Variants in DNAH8 observed in about 807,000 individuals in gnomAD.
DNAH8 encodes the protein axonemal beta dynein heavy chain 8.
DNAH8 carries 382 observed loss-of-function variants against 562.1 expected under a neutral mutation model. The ratio of observed to expected loss-of-function variants is 0.68; its 90% CI spans 0.63 to 0.74. The LOEUF is 0.74. Ranked by LOEUF, DNAH8 falls within the 30% of genes least tolerant of loss-of-function variation. The probability of loss-of-function intolerance (pLI) is 0.00; values close to 1 mark genes in which losing one functional copy is unlikely to be tolerated. For synonymous variants in DNAH8, 1,881 were observed against 1,919.4 expected, an observed-to-expected ratio of 0.98 and a Z score of 0.52; for missense variants, 5,203 against 5,620.4, an observed-to-expected ratio of 0.93 and a Z score of 2.37.
chr6:38,791,527 T>G, intron 20 of DNAH8, 28 bp from the exon 21 acceptor site: 2 of 1,593,030 alleles, frequency 1.3e-6, no homozygotes, highest in Non-Finnish European at 1.7e-6. Flanking sequence ...AGAAGAGTTT[T>G]TTTTTCTTAC....
intron 33 of DNAH8, among the ~76,000 whole-genome samples, chr6:38,841,057 A>G (rs1774738473): frequency 6.6e-6 from 1 of 152,190 alleles, no homozygotes; most frequent in African/African-American, 2.4e-5. Context: ...GAATTGAAAA[A>G]ATAGGACAAC....
In DNAH8 at chr6:38,921,395, G is replaced by A. The variant is rs748668997; in HGVS notation, c.10551G>A (p.Arg3517=). The change falls in exon 71 of 93, where the codon CGG becomes CGA. Residue 3517 remains arginine, a synonymous_variant. Transcript: ENST00000327475. ...CCAACCTGGCCAAGCAGGAAGGCCG[G>A]TTAGCAGTTGCTAATGCTGAGTTAG... ...LKANLAKQEG[R]LAVANAELGK... 11 of 1,613,618 alleles carry A rather than the reference G, an allele frequency of 6.8e-6. No individual in the cohort carries two copies. Among genetic ancestry groups the A allele is most frequent in the Admixed American group, 5.0e-5 (3 of 59,966 alleles).
At chr6:38,861,262 T>C (rs1776598807) in intron 43 of DNAH8, among the ~76,000 whole-genome samples, 1 of 152,222 alleles carries the variant, frequency 6.6e-6, no homozygotes, top group Admixed American at 6.5e-5. Context: ...CCTTTTGATT[T>C]ATTGAACCTA....
intron 26 of DNAH8, among the ~76,000 whole-genome samples, chr6:38,818,650 T>C (rs1772527279): frequency 6.6e-6 from 1 of 151,996 alleles, no homozygotes; most frequent in African/African-American, 2.4e-5. Context: ...GTGATAGTTA[T>C]GTTCTAAGCA....
At chr6:38,959,561 G>A (rs1762475746) in intron 82 of DNAH8, among the ~76,000 whole-genome samples, 1 of 151,998 alleles carries the variant, frequency 6.6e-6, no homozygotes, top group Non-Finnish European at 1.5e-5. Flanking sequence ...ATTTAATTAA[G>A]GAGGTGAAAA....
At chr6:38,988,425 C>A (rs1455011856) in intron 87 of DNAH8, among the ~76,000 whole-genome samples, 1 of 152,210 alleles carries the variant, frequency 6.6e-6, no homozygotes, top group Non-Finnish European at 1.5e-5. Context: ...TATTTGTTAT[C>A]TGTGTGCTGA....
chr6:38,796,810 C>T lies in DNAH8; in HGVS notation c.2901+5136C>T, dbSNP rs184600814. The stretch of plus-strand genomic sequence containing the variant: ...AGCTCGGTTTTTGGAGACATGAGCC[C>T]GCCGATGCTCCCAGTTGAATAAAGC... On this transcript the variant is annotated intron_variant, in intron 21 of 92. Transcript: ENST00000327475. Among the ~76,000 whole-genome samples, 431 of 152,064 alleles carry T rather than the reference C, an allele frequency of 2.8e-3. 4 individuals are homozygous for T. The highest frequency in any genetic ancestry group is 9.7e-3 in the African/African-American group (403 of 41,482).
intron 42 of DNAH8, among the ~76,000 whole-genome samples, chr6:38,858,984 TA>T (rs1472653430): frequency 6.6e-6 from 1 of 151,956 alleles, no homozygotes; most frequent in African/African-American, 2.4e-5. Flanking sequence ...CCAGAGGGAT[TA>T]AAAAAAATAA....
intron 80 of DNAH8, among the ~76,000 whole-genome samples, chr6:38,948,995 A>C (rs1056282649): frequency 1.3e-5 from 2 of 152,060 alleles, no homozygotes; most frequent in Non-Finnish European, 2.9e-5. Context: ...AGGGTAATCT[A>C]CCCACCCCCA....
chr6:38,772,971 C>CTTTTTTTTTTTT lies in DNAH8; in HGVS notation c.1764+2428_1764+2439dup, dbSNP rs58784448. Among the ~76,000 whole-genome samples the CTTTTTTTTTTTT allele has an allele frequency of 8.4e-3, 741 of 87,994 alleles. 76 individuals carry two copies. Among genetic ancestry groups the CTTTTTTTTTTTT allele is most frequent in the Non-Finnish European group, 9.9e-3 (473 of 47,912 alleles). 57.7% of individuals were successfully genotyped at this position (87,994 alleles called of 152,430 possible). On this transcript the variant is annotated intron_variant, in intron 12 of 92. Transcript: ENST00000327475. ...ATACCACCATGCCTAGCTAATTAAA[C>CTTTTTTTTTTTT]TTTTTTTTTTTTTTTTTTTTTTTTT...
At chr6:38,872,450 A>G (rs966665110) in intron 49 of DNAH8, 86 bp from the exon 50 acceptor site, 3 of 1,433,166 alleles carry the variant, frequency 2.1e-6, no homozygotes, top group Non-Finnish European at 2.9e-6. Context: ...AGAGCTTATT[A>G]AAGCCTTTAA....
At chr6:39,012,917 T>C (rs1766325706) in intron 91 of DNAH8, among the ~76,000 whole-genome samples, 1 of 152,184 alleles carries the variant, frequency 6.6e-6, no homozygotes, top group African/African-American at 2.4e-5. Context: ...TTAGGACACA[T>C]GAAAGAGTAA....
At position 38,863,916 on chromosome 6, in the gene DNAH8, C is replaced by A. The variant is rs1265352467; in HGVS notation, c.6354C>A (p.Asn2118Lys). The change falls in exon 45 of 93, where the codon AAC becomes AAA. Residue 2118 changes from asparagine (N) to lysine (K), a missense_variant. This residue lies in a region of DNAH8 where 2,176 missense variants were observed against 2,365.1 expected (regional missense o/e 0.92). Transcript: ENST00000327475. The stretch of plus-strand genomic sequence containing the variant: ...CCTGGGGCTGTTTTGATGAGTTTAA[C>A]AGAATTGAATTGCCTGTATTATCAG... The part of the protein sequence containing the change: ...SGSWGCFDEF[N>K]RIELPVLSVA... The A allele has an allele frequency of 1.2e-6, 2 of 1,609,592 alleles. No individual in the cohort carries two copies. Among genetic ancestry groups the A allele is most frequent in the South Asian group, 2.2e-5 (2 of 89,298 alleles).
intron 30 of DNAH8, among the ~76,000 whole-genome samples, chr6:38,828,531 A>G (rs1773563900): frequency 6.6e-6 from 1 of 152,188 alleles, no homozygotes; most frequent in Admixed American, 6.5e-5. Flanking sequence ...AGCATTCAGT[A>G]TAGTAACATG....
chr6:38,729,908 G>A lies in DNAH8; in HGVS notation c.532G>A (p.Ala178Thr). The A allele has an allele frequency of 1.3e-6, 2 of 1,549,118 alleles. No individual in the cohort carries two copies. The highest frequency in any genetic ancestry group is 1.4e-5 in the African/African-American group (1 of 73,646). ...ELILDCPSLE[A>T]FTNFFAKDGC... ...TTTCTCTTTTATTTAACAGCTGGAA[G>A]CATTTACTAATTTTTTTGCGAAAGA... Residue 178 changes from alanine (A) to threonine (T), a missense_variant, in exon 4 of 93, where the codon GCA becomes ACA. Physicochemically the swap from Ala to Thr is moderately conservative, Grantham distance 58. This residue lies in a region of DNAH8 where 556 missense variants were observed against 496.9 expected (regional missense o/e 1.12). Coordinates refer to ENST00000327475, the MANE Select transcript of DNAH8 (RefSeq NM_001206927.2).
chr6:38,778,171 T>C lies in DNAH8; in HGVS notation c.1963-217T>C, dbSNP rs1678659. On this transcript the variant is annotated intron_variant, in intron 13 of 92. Transcript: ENST00000327475. The stretch of plus-strand genomic sequence containing the variant: ...AAATCTGGCATGTATTTTACATTTA[T>C]AGACATCTTGCTTCTAAGTAGTGAC... Among the ~76,000 whole-genome samples the C allele has an allele frequency of 0.25, 38,654 of 152,134 alleles. 5,486 individuals carry two copies. Among genetic ancestry groups the C allele is most frequent in the East Asian group, 0.46 (2,369 of 5,178 alleles).
chr6:38,842,512 T>G lies in DNAH8; in HGVS notation c.4604+7T>G. On this transcript the variant is annotated splice_region_variant and intron_variant, in intron 34 of 92. Transcript: ENST00000327475. ...TGCTGGAATTTCAAAACAGGTGAGT[T>G]TCAATGGAATTTTTTATAATGCCTG... 6.2e-7 allele frequency: 1 copy of G among 1,608,564 alleles called. No homozygotes were observed. The highest frequency in any genetic ancestry group is 1.1e-5 in the South Asian group (1 of 89,338).
Position 38,913,990 on chromosome 6 carries a change from T to G in DNAH8, c.9963+38T>G, listed in dbSNP as rs759253775. Reference sequence around the variant, plus strand: ...TTATTTTATCACTGATGAGGAATATTTTTCCATATTAAAATGCATTGTTTT... The same window carrying G: ...TTATTTTATCACTGATGAGGAATATGTTTCCATATTAAAATGCATTGTTTT... On this transcript the variant is annotated intron_variant, in intron 67 of 92. Coordinates refer to ENST00000327475, the MANE Select transcript of DNAH8 (RefSeq NM_001206927.2). 2.0e-6 allele frequency: 3 copies of G among 1,478,142 alleles called. No homozygotes were observed. The East Asian group carries it at 6.9e-5, about 34-fold the overall frequency. 91.6% of individuals were successfully genotyped at this position (1,478,142 alleles called of 1,614,324 possible).
intron 15 of DNAH8, 114 bp from the exon 16 acceptor site, chr6:38,781,140 C>A: frequency 9.1e-7 from 1 of 1,104,006 alleles, no homozygotes; most frequent in Non-Finnish European, 1.3e-6. Flanking sequence ...TTATTGACTA[C>A]CTACTGTATA....
Sources: gnomAD v4.1 joint callset for allele counts (sites outside exome capture counted in the v4.1 genomes callset) on GRCh38, gnomAD v4.1.1 for gene constraint, gnomAD v4.1.1 regional missense constraint, MANE v1.5 for transcripts, NCBI Gene and HGNC (gene_info 2026-07-23, HGNC 2026-07-21) for gene names.